Variants in HAUS7 observed in about 807,000 individuals in gnomAD.
HAUS7 encodes the protein HAUS augmin-like complex subunit 7.
In HAUS7, 3 loss-of-function variants were observed where a neutral mutation model predicts 28.4. That is an observed-to-expected ratio of 0.11 (90% confidence interval 0.05 to 0.27). The LOEUF (loss-of-function observed/expected upper bound fraction) is 0.27. HAUS7 is among the 10% of genes least tolerant of loss of function. HAUS7 has a pLI of 1.00. For missense variants in HAUS7, 284 were observed against 297.3 expected (o/e 0.96, Z 0.33); for synonymous variants, 165 against 132.1 (o/e 1.25, Z -1.71).
At chrX:153,454,775 G>T in intron 8 of HAUS7, 1 of 599,035 alleles carries the variant, frequency 1.7e-6, no homozygotes, top group Non-Finnish European at 2.7e-6. Flanking sequence ...GATGCCTAGG[G>T]ACATGCCAGC....
intron 1 of HAUS7, among the ~76,000 whole-genome samples, chrX:153,492,707 G>A (rs905815558): frequency 9.1e-6 from 1 of 110,183 alleles, no homozygotes; most frequent in East Asian, 2.8e-4. Flanking sequence ...CTGCAGCGCC[G>A]CCTGGCTCCC....
chrX:153,480,534 G>C, intron 1 of HAUS7: 1 of 740,546 alleles, frequency 1.4e-6, no homozygotes. Context: ...ACAGCCCCTT[G>C]GGGAAAGGAG....
chrX:153,494,746 G>A (rs1157385685), intron 1 of HAUS7, among the ~76,000 whole-genome samples: 1 of 104,580 alleles, frequency 9.6e-6, no homozygotes, highest in African/African-American at 3.5e-5. Flanking sequence ...GGGAGGGGGG[G>A]GGAGGTGGTG....
chrX:153,468,799 G>A (rs1217363876), intron 2 of HAUS7, among the ~76,000 whole-genome samples: 1 of 112,687 alleles, frequency 8.9e-6, no homozygotes, highest in Non-Finnish European at 1.9e-5. Flanking sequence ...CTTGGCTTCC[G>A]GGTCTGAGAA....
chrX:153,494,703 T>C (rs2089693942), intron 1 of HAUS7, among the ~76,000 whole-genome samples: 2 of 91,602 alleles, frequency 2.2e-5, no homozygotes, highest in Non-Finnish European at 4.2e-5. Context: ...TGAGTGCGAG[T>C]GTGTCCGTTC....
At chrX:153,470,789 G>A, upstream of HAUS7, 2 of 463,606 alleles carry the variant, frequency 4.3e-6, no homozygotes, top group Non-Finnish European at 7.5e-6. Flanking sequence ...CACAGGGAAG[G>A]GGGCGGGGCG....
At chrX:153,493,069 T>C (rs1317996087) in intron 1 of HAUS7, among the ~76,000 whole-genome samples, 1 of 112,364 alleles carries the variant, frequency 8.9e-6, no homozygotes, top group African/African-American at 3.2e-5. Context: ...ATTGAGCACG[T>C]ACAAGGCAAG....
chrX:153,479,094 C>A (rs2089581693), intron 1 of HAUS7, among the ~76,000 whole-genome samples: 1 of 107,549 alleles, frequency 9.3e-6, no homozygotes, highest in Non-Finnish European at 1.9e-5. Context: ...GGCGTTTGCT[C>A]GACAGAAGGG....
intron 1 of HAUS7, among the ~76,000 whole-genome samples, chrX:153,488,744 C>T (rs1258033198): frequency 2.1e-4 from 24 of 112,896 alleles, no homozygotes; most frequent in Admixed American, 1.6e-3. Context: ...CCCACCTTCT[C>T]GCAGTCCCAG....
intron 9 of HAUS7, among the ~76,000 whole-genome samples, chrX:153,452,226 G>A (rs1235456831): frequency 8.9e-6 from 1 of 112,122 alleles, no homozygotes; most frequent in Non-Finnish European, 1.9e-5. Context: ...AAAAATGAGG[G>A]AGTTCATCAC....
chrX:153,470,717 G>T, upstream of HAUS7: 1 of 780,559 alleles, frequency 1.3e-6, no homozygotes, highest in Non-Finnish European at 1.8e-6. Context: ...CGGGCCCCGG[G>T]CTCCCACCCC....
At position 153,454,939 on chromosome X, in the gene HAUS7, C is replaced by T. The variant is rs782205655; in HGVS notation, c.931-431G>A. On this transcript the variant is annotated intron_variant, in intron 8 of 9. Transcript: ENST00000370211. ...AGAGGTTGGAAGGCTCGGAGCCTCT[C>T]GCTTAGAAAACCAAAATGAACATCA... 4 of 1,030,934 alleles carry T rather than the reference C, an allele frequency of 3.9e-6. No homozygotes were observed. The South Asian group carries it at 5.5e-5, about 14-fold the overall frequency. 85.0% of individuals were successfully genotyped at this position (1,030,934 alleles called of 1,213,427 possible).
At chrX:153,483,628 G>A (rs1335335529) in intron 1 of HAUS7, among the ~76,000 whole-genome samples, 1 of 112,007 alleles carries the variant, frequency 8.9e-6, no homozygotes, top group Admixed American at 9.3e-5. Flanking sequence ...CCTGGTCTTC[G>A]GTGGGTCACT....
chrX:153,463,207 G>GT (rs1475337613), intron 3 of HAUS7: 3 of 308,375 alleles, frequency 9.7e-6, no homozygotes, highest in South Asian at 5.8e-5. Flanking sequence ...CATTTTCTGA[G>GT]TAACTTGGAG....
intron 1 of HAUS7, among the ~76,000 whole-genome samples, chrX:153,483,741 C>T (rs982950466): frequency 8.9e-6 from 1 of 111,803 alleles, no homozygotes; most frequent in African/African-American, 3.3e-5. Flanking sequence ...TCTGTCCCTC[C>T]CACCCAGCAG....
chrX:153,456,055 AGGCGTG>A, intron 7 of HAUS7, among the ~76,000 whole-genome samples: 1 of 112,630 alleles, frequency 8.9e-6, no homozygotes, highest in African/African-American at 3.2e-5. Context: ...CAATGTGCTC[AGGCGTG>A]GGCACCACCC....
intron 1 of HAUS7, among the ~76,000 whole-genome samples, chrX:153,476,883 C>T (rs1397480137): frequency 9.2e-6 from 1 of 108,978 alleles, no homozygotes; most frequent in African/African-American, 3.3e-5. Context: ...CGTCAGTGAG[C>T]TCTTGGGCGG....
At chrX:153,485,880 C>G (rs2089633627) in intron 1 of HAUS7, 1 of 924,509 alleles carries the variant, frequency 1.1e-6, no homozygotes, top group Non-Finnish European at 1.4e-6. Flanking sequence ...GAGCGCATCC[C>G]TGGCTACGCG....
intron 1 of HAUS7, chrX:153,480,997 C>G (rs2089596120): frequency 1.3e-6 from 1 of 753,783 alleles, no homozygotes; most frequent in Admixed American, 8.6e-5. Context: ...CCCAGGAGGC[C>G]CCCCAAAGGT....
Sources: gnomAD v4.1 joint callset for allele counts (sites outside exome capture counted in the v4.1 genomes callset) on GRCh38, gnomAD v4.1.1 for gene constraint, MANE v1.5 for transcripts, NCBI Gene and HGNC (gene_info 2026-07-23, HGNC 2026-07-21) for gene names.